FOXK2: variants seen among roughly 807,000 people sequenced by gnomAD.
FOXK2 encodes the protein forkhead box K2, also known as forkhead box protein K2.
A neutral mutation model predicts 53.3 loss-of-function variants in FOXK2; 24 were observed. That is an observed-to-expected ratio of 0.45 (90% CI 0.33 to 0.63). The LOEUF (loss-of-function observed/expected upper bound fraction) is 0.63, where lower values mean the gene tolerates loss of function less well. Ranked by LOEUF, FOXK2 falls within the 30% of genes least tolerant of loss-of-function variation. The pLI, the probability that FOXK2 is intolerant of heterozygous loss-of-function variation, is 0.03. For missense variants in FOXK2, 952 were observed against 910.5 expected (o/e 1.05, Z -0.59); for synonymous variants, 505 against 407.1 (o/e 1.24, Z -2.89).
intron 1 of FOXK2, among the ~76,000 whole-genome samples, chr17:82,523,487 T>TA (rs57320607): frequency 4.5e-4 from 69 of 151,796 alleles, no homozygotes; most frequent in Non-Finnish European, 8.7e-4. Flanking sequence ...TTTTTTTTTT[T>TA]AAGACAGAGT....
chr17:82,535,520 G>T (rs77439632), intron 1 of FOXK2, among the ~76,000 whole-genome samples: 86 of 152,304 alleles, frequency 5.6e-4, no homozygotes, highest in African/African-American at 2.1e-3. Context: ...TTTCTGAGGA[G>T]ACTTGCGGGA....
chr17:82,525,873 A>C (rs2044412115), intron 1 of FOXK2, among the ~76,000 whole-genome samples: 1 of 152,124 alleles, frequency 6.6e-6, no homozygotes, highest in African/African-American at 2.4e-5. Flanking sequence ...TTTCTTTCTT[A>C]CGTGGCCTGA....
intron 1 of FOXK2, among the ~76,000 whole-genome samples, chr17:82,539,659 T>A (rs755420694): frequency 3.6e-5 from 5 of 140,824 alleles, no homozygotes; most frequent in Non-Finnish European, 7.7e-5. Flanking sequence ...AAAAAAAAAA[T>A]TAATTAAAAA....
chr17:82,566,730 C>G (rs923090585), intron 2 of FOXK2, among the ~76,000 whole-genome samples: 1 of 152,190 alleles, frequency 6.6e-6, no homozygotes, highest in Non-Finnish European at 1.5e-5. Flanking sequence ...CTCCCACCTG[C>G]TGCTTTCTTT....
At chr17:82,530,021 G>A (rs1366965109) in intron 1 of FOXK2, among the ~76,000 whole-genome samples, 1 of 152,186 alleles carries the variant, frequency 6.6e-6, no homozygotes, top group Non-Finnish European at 1.5e-5. Context: ...AATTGTTCCA[G>A]TTTTTTGTGT....
intron 4 of FOXK2, chr17:82,577,001 A>G: frequency 2.5e-6 from 1 of 396,886 alleles, no homozygotes; most frequent in Non-Finnish European, 4.6e-6. Flanking sequence ...CTCTACTAAA[A>G]ATACAATATT....
At chr17:82,557,193 T>C (rs2044737009) in intron 1 of FOXK2, among the ~76,000 whole-genome samples, 1 of 150,224 alleles carries the variant, frequency 6.7e-6, no homozygotes, top group South Asian at 2.1e-4. Context: ...CCACCACGCC[T>C]GGCTAATTTT....
Position 82,582,858 on chromosome 17 carries a change from A to G in FOXK2, c.1027A>G (p.Ile343Val), listed in dbSNP as rs750363502. 6.2e-7 allele frequency: 1 copy of G among 1,613,602 alleles called. No homozygotes were observed. The highest frequency in any genetic ancestry group is 1.7e-5 in the Admixed American group (1 of 59,948). Residue 343 changes from isoleucine to valine, a missense_variant, in exon 5 of 9, where the codon ATA becomes GTA. Coordinates refer to ENST00000335255, the MANE Select transcript of FOXK2 (RefSeq NM_004514.4). ...RIDPASESKL[I>V]EQAFRKRRPR... is the part of the protein sequence containing the mutation. Reference sequence around the variant, plus strand: ...AGACCCAGCCTCTGAAAGCAAATTAATAGAACAGGCTTTTAGGAAACGACG... The same window carrying G: ...AGACCCAGCCTCTGAAAGCAAATTAGTAGAACAGGCTTTTAGGAAACGACG...
chr17:82,558,177 GATA>G (rs2044752439), intron 1 of FOXK2, among the ~76,000 whole-genome samples: 1 of 152,016 alleles, frequency 6.6e-6, no homozygotes, highest in South Asian at 2.1e-4. Flanking sequence ...TACAAAAAAT[GATA>G]ATAATAAAAA....
chr17:82,594,119 G>T (rs754867800), intron 8 of FOXK2, among the ~76,000 whole-genome samples: 7 of 152,224 alleles, frequency 4.6e-5, no homozygotes, highest in African/African-American at 1.4e-4. Flanking sequence ...GGCTTGCTGC[G>T]TGTAGTACCC....
chr17:82,563,392 C>T lies in FOXK2; in HGVS notation c.458C>T (p.Thr153Met), dbSNP rs866802169. The T allele has an allele frequency of 7.4e-6, 12 of 1,613,976 alleles. No individual in the cohort carries two copies. The Middle Eastern group carries it at 1.2e-3, about 155-fold the overall frequency. ...FRFPSTNIKITFTALSSEKRE... is the reference protein window; with the variant it reads ...FRFPSTNIKIMFTALSSEKRE... ...TTCCCGAGCACAAACATCAAGATAA[C>T]GTTCACTGCCCTGTCCAGCGAGAAG... The change falls in exon 2 of 9, where the codon ACG (threonine) becomes ATG (methionine). Residue 153 changes from threonine (T) to methionine (M), a missense_variant. Around this residue, in one of 5 missense-constraint regions of FOXK2, gnomAD observed 76 missense variants for 128.2 expected, o/e 0.59. Coordinates refer to ENST00000335255, the MANE Select transcript of FOXK2 (RefSeq NM_004514.4).
Position 82,602,733 on chromosome 17 carries a change from A to G in FOXK2, c.*1234A>G, listed in dbSNP as rs1023089793. On this transcript the variant is annotated 3_prime_UTR_variant, in exon 9 of 9. Transcript: ENST00000335255. ...AGGACAGGACGGGGGTGAGGGAATG[A>G]GAGTGGGAGGTCCCTGCACCTCCTC... 6.6e-6 allele frequency: 1 copy of G among 152,240 alleles called. No homozygotes were observed. Among genetic ancestry groups the G allele is most frequent in the Admixed American group, 6.5e-5 (1 of 15,280 alleles). 9.4% of individuals were successfully genotyped at this position (152,240 alleles called of 1,614,324 possible).
intron 7 of FOXK2, among the ~76,000 whole-genome samples, chr17:82,586,854 T>TTGCGCCATTGGACTCCAGCTTGGGTAA (rs2045181504): frequency 2.0e-5 from 3 of 152,082 alleles, no homozygotes; most frequent in Non-Finnish European, 4.4e-5. Flanking sequence ...TGAGCTGAGA[T>TTGCGCCATTGGACTCCAGCTTGGGTAA]TGCGCCATTG....
chr17:82,562,852 C>A (rs192636724), intron 1 of FOXK2, among the ~76,000 whole-genome samples: 15 of 151,170 alleles, frequency 9.9e-5, no homozygotes, highest in African/African-American at 3.6e-4. Flanking sequence ...CTTGCTCAGA[C>A]TGAAGTGCAG....
intron 8 of FOXK2, chr17:82,600,052 G>C (rs1435284875): frequency 6.6e-6 from 1 of 152,666 alleles, no homozygotes; most frequent in Non-Finnish European, 1.5e-5. Context: ...CTCTGAGTTG[G>C]TCTTGGGTTA....
chr17:82,547,035 C>T (rs1599889164), intron 1 of FOXK2, among the ~76,000 whole-genome samples: 1 of 149,968 alleles, frequency 6.7e-6, no homozygotes, highest in Non-Finnish European at 1.5e-5. Context: ...CGAGATGGCA[C>T]CACTGCACTC....
chr17:82,562,362 C>T (rs1364769885), intron 1 of FOXK2, among the ~76,000 whole-genome samples: 1 of 152,204 alleles, frequency 6.6e-6, no homozygotes, highest in Non-Finnish European at 1.5e-5. Flanking sequence ...GGGCGGATCA[C>T]GTGAGGTCGC....
intron 1 of FOXK2, among the ~76,000 whole-genome samples, chr17:82,547,017 CAGTG>C (rs986474494): frequency 6.8e-6 from 1 of 147,416 alleles, no homozygotes; most frequent in Non-Finnish European, 1.5e-5. Context: ...GTGGAGGTCA[CAGTG>C]AGCCGAGATG....
chr17:82,548,956 C>A (rs2044651869), intron 1 of FOXK2, among the ~76,000 whole-genome samples: 1 of 152,178 alleles, frequency 6.6e-6, no homozygotes, highest in African/African-American at 2.4e-5. Context: ...CTCCAGAGAG[C>A]CTGACCCTGC....
Sources: gnomAD v4.1 joint callset for allele counts (sites outside exome capture counted in the v4.1 genomes callset) on GRCh38, gnomAD v4.1.1 for gene constraint, gnomAD v4.1.1 regional missense constraint, MANE v1.5 for transcripts, NCBI Gene and HGNC (gene_info 2026-07-23, HGNC 2026-07-21) for gene names.